The following KCNH7 variants were observed in gnomAD, a reference collection of about 807,000 sequenced individuals.
KCNH7 encodes the protein potassium voltage-gated channel subfamily H member 7.
A neutral mutation model predicts 120.8 loss-of-function variants in KCNH7; 49 were observed. The observed-to-expected ratio is 0.41, with a 90% CI of 0.32 to 0.51. The LOEUF (loss-of-function observed/expected upper bound fraction) is 0.51. KCNH7 is among the 20% of genes least tolerant of loss of function. The probability of loss-of-function intolerance (pLI) is 0.38; values close to 1 mark genes in which losing one functional copy is unlikely to be tolerated. For synonymous variants in KCNH7, 547 were observed against 516.1 expected, an observed-to-expected ratio of 1.06 and a Z score of -0.81; for missense variants, 1,097 against 1,446.6, an observed-to-expected ratio of 0.76 and a Z score of 3.92.
chr2:162,817,511 G>T (rs1393118766), intron 2 of KCNH7, among the ~76,000 whole-genome samples: 1 of 151,964 alleles, frequency 6.6e-6, no homozygotes, highest in Non-Finnish European at 1.5e-5. Context: ...TATTATAAAT[G>T]AAAACCACTA....
intron 8 of KCNH7, among the ~76,000 whole-genome samples, chr2:162,426,980 T>C (rs905274983): frequency 6.6e-6 from 1 of 152,108 alleles, no homozygotes; most frequent in East Asian, 1.9e-4. Context: ...ATATTCATTA[T>C]GTACATTTGT....
chr2:162,379,236 C>T, intron 14 of KCNH7, among the ~76,000 whole-genome samples: 1 of 152,072 alleles, frequency 6.6e-6, no homozygotes, highest in South Asian at 2.1e-4. Flanking sequence ...TGTGTCATAC[C>T]CACTCATAGA....
intron 2 of KCNH7, among the ~76,000 whole-genome samples, chr2:162,591,898 G>A (rs1694227257): frequency 6.6e-6 from 1 of 151,800 alleles, no homozygotes; most frequent in African/African-American, 2.4e-5. Context: ...TACATTCCTA[G>A]CTCTGGTGCT....
At chr2:162,470,379 A>C (rs1320466519) in intron 6 of KCNH7, among the ~76,000 whole-genome samples, 1 of 145,468 alleles carries the variant, frequency 6.9e-6, no homozygotes, top group African/African-American at 2.6e-5. Context: ...GGAGGTGAGG[A>C]GCGTCTCTGC....
intron 9 of KCNH7, among the ~76,000 whole-genome samples, chr2:162,411,155 A>G (rs1687380729): frequency 6.6e-6 from 1 of 152,158 alleles, no homozygotes; most frequent in South Asian, 2.1e-4. Context: ...ATGCACTTGT[A>G]TGTTTATTGC....
At chr2:162,756,151 T>C (rs1688782678) in intron 2 of KCNH7, among the ~76,000 whole-genome samples, 1 of 152,180 alleles carries the variant, frequency 6.6e-6, no homozygotes, top group African/African-American at 2.4e-5. Flanking sequence ...TCAGTAAACA[T>C]CAAGAGACTG....
intron 2 of KCNH7, among the ~76,000 whole-genome samples, chr2:162,738,969 C>G (rs780736525): frequency 5.3e-5 from 8 of 152,120 alleles, no homozygotes; most frequent in Non-Finnish European, 8.8e-5. Flanking sequence ...TCCTTCCGCA[C>G]TGGATCCCCA....
At chr2:162,573,077 A>G (rs879815900) in intron 2 of KCNH7, among the ~76,000 whole-genome samples, 9 of 152,104 alleles carry the variant, frequency 5.9e-5, no homozygotes, top group Non-Finnish European at 8.8e-5. Context: ...AAGGTCATGA[A>G]ATTACAAATA....
intron 2 of KCNH7, among the ~76,000 whole-genome samples, chr2:162,705,405 A>C (rs10209681): frequency 0.33 from 49,426 of 151,904 alleles, 13,045 homozygotes; most frequent in African/African-American, 0.71. Context: ...TACTCAGATA[A>C]AATTTCTAAA....
chr2:162,503,712 C>A (rs1053781240), intron 6 of KCNH7, among the ~76,000 whole-genome samples: 4 of 151,926 alleles, frequency 2.6e-5, no homozygotes, highest in Non-Finnish European at 5.9e-5. Flanking sequence ...ATTTGCTAAG[C>A]AAATATACCG....
At chr2:162,433,832 C>G (rs1688149672) in intron 8 of KCNH7, among the ~76,000 whole-genome samples, 1 of 151,912 alleles carries the variant, frequency 6.6e-6, no homozygotes. Context: ...GTTTCTCAAA[C>G]AACTTAAAAC....
intron 2 of KCNH7, among the ~76,000 whole-genome samples, chr2:162,739,039 C>T (rs1260488188): frequency 1.3e-5 from 2 of 152,138 alleles, no homozygotes; most frequent in African/African-American, 4.8e-5. Flanking sequence ...TGCGGGAGCT[C>T]AACTTCTCCT....
intron 2 of KCNH7, among the ~76,000 whole-genome samples, chr2:162,554,228 C>T (rs1374499538): frequency 6.6e-6 from 1 of 152,162 alleles, no homozygotes; most frequent in Non-Finnish European, 1.5e-5. Context: ...ACATATTGGG[C>T]ATGTTTGACT....
At chr2:162,815,547 G>T (rs1272819529) in intron 2 of KCNH7, among the ~76,000 whole-genome samples, 1 of 152,158 alleles carries the variant, frequency 6.6e-6, no homozygotes, top group Admixed American at 6.5e-5. Flanking sequence ...AAAAGAAAGT[G>T]AGAAACAATA....
intron 2 of KCNH7, among the ~76,000 whole-genome samples, chr2:162,685,475 C>T (rs894740520): frequency 7.0e-6 from 1 of 142,526 alleles, no homozygotes; most frequent in Non-Finnish European, 1.5e-5. Context: ...TATATTCTAG[C>T]GATGAATTGT....
intron 2 of KCNH7, among the ~76,000 whole-genome samples, chr2:162,820,209 TTGTGTGTGTGTG>T (rs71410049): frequency 6.0e-4 from 60 of 99,734 alleles, no homozygotes; most frequent in South Asian, 3.2e-3. Context: ...CCGGCTAATT[TTGTGTGTGTGTG>T]TGTGTGTGTG....
intron 2 of KCNH7, among the ~76,000 whole-genome samples, chr2:162,712,995 T>C (rs1686978585): frequency 6.6e-6 from 1 of 152,154 alleles, no homozygotes; most frequent in African/African-American, 2.4e-5. Context: ...AGAGTTCAAA[T>C]AACTGATTCA....
intron 2 of KCNH7, among the ~76,000 whole-genome samples, chr2:162,542,159 CTT>C (rs903749200): frequency 7.0e-6 from 1 of 141,918 alleles, no homozygotes. Flanking sequence ...CTATATCTCT[CTT>C]TTTTTTTTTA....
At chr2:162,538,135 G>T in intron 2 of KCNH7, 1 of 152,080 alleles carries the variant, frequency 6.6e-6, no homozygotes, top group Non-Finnish European at 1.5e-5. Context: ...CAACCCCGTG[G>T]CCTGTGGGCT....
Sources: gnomAD v4.1 joint callset for allele counts (sites outside exome capture counted in the v4.1 genomes callset) on GRCh38, gnomAD v4.1.1 for gene constraint, MANE v1.5 for transcripts, NCBI Gene and HGNC (gene_info 2026-07-23, HGNC 2026-07-21) for gene names.